Variants in NGEF observed in about 807,000 individuals in gnomAD.
NGEF encodes the protein ephexin-1.
In NGEF, 31 loss-of-function variants were observed where a neutral mutation model predicts 80.9. The ratio of observed to expected loss-of-function variants is 0.38; its 90% CI spans 0.29 to 0.52. The LOEUF (loss-of-function observed/expected upper bound fraction) is 0.52. Among genes scored for constraint, NGEF ranks in the 20% least tolerant of loss-of-function variants. NGEF has a pLI of 0.84. For synonymous variants in NGEF, 371 were observed against 370.2 expected (o/e 1.00, Z -0.03); for missense variants, 709 against 926.2 (o/e 0.77, Z 3.04).
chr2:232,981,546 G>A (rs754081372), intron 1 of NGEF, among the ~76,000 whole-genome samples: 1 of 152,050 alleles, frequency 6.6e-6, no homozygotes, highest in Non-Finnish European at 1.5e-5. Context: ...GGATGGATCA[G>A]CTGACACCAC....
At chr2:232,947,942 A>G (rs1483006182) in intron 3 of NGEF, among the ~76,000 whole-genome samples, 1 of 152,228 alleles carries the variant, frequency 6.6e-6, no homozygotes, top group Non-Finnish European at 1.5e-5. Context: ...TTTTAAAAAA[A>G]CGTATTGACA....
intron 1 of NGEF, among the ~76,000 whole-genome samples, chr2:232,993,233 T>C (rs988107652): frequency 1.5e-4 from 17 of 112,074 alleles, no homozygotes; most frequent in Non-Finnish European, 1.6e-4. Flanking sequence ...CACACATATA[T>C]ATGTATATTT....
Position 233,013,140 on chromosome 2 carries a change from G to C in NGEF, c.-147C>G, listed in dbSNP as rs746462516. On this transcript the variant is annotated 5_prime_UTR_variant, in exon 1 of 15. Transcript: ENST00000264051. ...CTCCCTCGTCCCCTGTCCTGTCCAG[G>C]CACCTGCGAGCAGGATGGTGTGTCC... The C allele has an allele frequency of 8.5e-6, 4 of 471,064 alleles. No individual in the cohort carries two copies. The highest frequency in any genetic ancestry group is 2.4e-5 in the Admixed American group (1 of 42,544). The allele number at this position is 471,064 out of a possible 1,614,324, so 29.2% of individuals were successfully genotyped here.
At chr2:232,961,396 G>A (rs1039425904) in intron 3 of NGEF, among the ~76,000 whole-genome samples, 6 of 152,206 alleles carry the variant, frequency 3.9e-5, no homozygotes, top group African/African-American at 1.4e-4. Context: ...CACTGATGAG[G>A]TGGGAATGGC....
intron 1 of NGEF, among the ~76,000 whole-genome samples, chr2:232,978,158 CT>C (rs113485504): frequency 0.58 from 86,814 of 149,356 alleles, 26,051 homozygotes; most frequent in African/African-American, 0.72. Context: ...CTAACATGAA[CT>C]TTTTTTTTTT....
intron 9 of NGEF, among the ~76,000 whole-genome samples, chr2:232,887,032 C>T (rs1483066046): frequency 1.3e-5 from 2 of 152,192 alleles, no homozygotes; most frequent in African/African-American, 2.4e-5. Context: ...AGGTGGGAAC[C>T]GACTGCAATA....
At chr2:232,982,613 A>G (rs1341415285) in intron 1 of NGEF, among the ~76,000 whole-genome samples, 1 of 152,198 alleles carries the variant, frequency 6.6e-6, no homozygotes. Flanking sequence ...TCCCGGGTTC[A>G]AGCGATTCTC....
chr2:232,992,442 C>A (rs1031691599), intron 1 of NGEF, among the ~76,000 whole-genome samples: 2 of 151,988 alleles, frequency 1.3e-5, no homozygotes, highest in African/African-American at 2.4e-5. Context: ...CCTGTAATAC[C>A]AGCTACTTGG....
chr2:232,956,876 A>G lies in NGEF; in HGVS notation c.383+13338T>C, dbSNP rs200785231. ...AAAATAAAAGCGCATAAGAAGGACA[A>G]TGGCTAAAAAGAAATAGGAAATAAA... On this transcript the variant is annotated intron_variant, in intron 3 of 14. Transcript: ENST00000264051. 2.7e-5 allele frequency among the ~76,000 whole-genome samples: 4 copies of G among 150,472 alleles called. No homozygotes were observed. In the East Asian group the frequency reaches 7.9e-4, roughly 30 times the overall value.
At chr2:232,923,965 A>C (rs934582831) in intron 4 of NGEF, among the ~76,000 whole-genome samples, 1 of 152,048 alleles carries the variant, frequency 6.6e-6, no homozygotes, top group Non-Finnish European at 1.5e-5. Flanking sequence ...GGCCGGGCAC[A>C]GTGGCTCATG....
intron 3 of NGEF, among the ~76,000 whole-genome samples, chr2:232,948,273 C>T (rs1461030273): frequency 3.9e-5 from 6 of 151,938 alleles, no homozygotes; most frequent in African/African-American, 9.7e-5. Context: ...CTGCAACCCC[C>T]GCCTTCTGGG....
chr2:233,000,906 G>C (rs1408327836), intron 1 of NGEF, among the ~76,000 whole-genome samples: 3 of 152,144 alleles, frequency 2.0e-5, no homozygotes, highest in East Asian at 3.9e-4. Context: ...GGAATGAAGG[G>C]AACACTTGGA....
At chr2:232,952,955 G>C (rs551255759) in intron 3 of NGEF, among the ~76,000 whole-genome samples, 15 of 66,484 alleles carry the variant, frequency 2.3e-4, no homozygotes, top group East Asian at 5.6e-4. Flanking sequence ...GTGCAGACAA[G>C]AGTGAGACAG....
intron 7 of NGEF, among the ~76,000 whole-genome samples, 191 bp from the exon 8 acceptor site, chr2:232,891,678 T>G (rs989327910): frequency 6.6e-6 from 1 of 152,218 alleles, no homozygotes; most frequent in African/African-American, 2.4e-5. Context: ...AATAGTGGCT[T>G]CACATGCCTG....
intron 1 of NGEF, among the ~76,000 whole-genome samples, chr2:232,982,881 G>A (rs1322502590): frequency 6.6e-6 from 1 of 152,226 alleles, no homozygotes; most frequent in Non-Finnish European, 1.5e-5. Context: ...GACAGAGGAA[G>A]GAGACACAGA....
At chr2:232,900,324 T>TCACA (rs61726498) in intron 5 of NGEF, among the ~76,000 whole-genome samples, 1,123 of 19,454 alleles carry the variant, frequency 0.058, 215 homozygotes, top group Non-Finnish European at 0.068. Context: ...TCACATTCAC[T>TCACA]CACACACGCT....
At chr2:232,965,380 A>G (rs956722113) in intron 3 of NGEF, among the ~76,000 whole-genome samples, 2 of 152,212 alleles carry the variant, frequency 1.3e-5, no homozygotes, top group Non-Finnish European at 2.9e-5. Flanking sequence ...AGAGATGCTC[A>G]AAATCAGCCG....
intron 4 of NGEF, among the ~76,000 whole-genome samples, chr2:232,923,505 G>A (rs1692990822): frequency 6.6e-6 from 1 of 152,098 alleles, no homozygotes; most frequent in Non-Finnish European, 1.5e-5. Context: ...GGAGGCCGAG[G>A]CAGGCAGATC....
chr2:232,960,453 C>T (rs11887018), intron 3 of NGEF, among the ~76,000 whole-genome samples: 120,294 of 151,746 alleles, frequency 0.79, 48,270 homozygotes, highest in African/African-American at 0.92. Flanking sequence ...TTCTCATAGC[C>T]GTGATTACCC....
Sources: gnomAD v4.1 joint callset for allele counts (sites outside exome capture counted in the v4.1 genomes callset) on GRCh38, gnomAD v4.1.1 for gene constraint, MANE v1.5 for transcripts, NCBI Gene and HGNC (gene_info 2026-07-23, HGNC 2026-07-21) for gene names.